Variants in TCIRG1 observed in about 807,000 individuals in gnomAD.
TCIRG1 encodes T cell immune regulator 1, ATPase H+ transporting V0 subunit a3.
In TCIRG1, 86 loss-of-function variants were observed where a neutral mutation model predicts 95.5. That is an observed-to-expected ratio of 0.90 (90% CI 0.76 to 1.08). The LOEUF (loss-of-function observed/expected upper bound fraction) is 1.08, where lower values mean the gene tolerates loss of function less well. Ranked by LOEUF, TCIRG1 falls within the 50% of genes least tolerant of loss-of-function variation. The pLI, the probability that TCIRG1 is intolerant of heterozygous loss-of-function variation, is 0.00. For missense variants in TCIRG1, 1,069 were observed against 1,140.2 expected (o/e 0.94, Z 0.90); for synonymous variants, 499 against 501.3 (o/e 1.00, Z 0.06).
Position 68,049,383 on chromosome 11 carries a change from C to T in TCIRG1, c.1887+89C>T, listed in dbSNP as rs957338070. ...CACTGGGAGCTGCAAGATCCTCGTC[C>T]GAGAAACGGGGATGCAGGCCCCGGG... On this transcript the variant is annotated intron_variant, in intron 15 of 19. Transcript: ENST00000265686. 59 of 1,377,928 alleles carry T rather than the reference C, an allele frequency of 4.3e-5. 1 individual carries two copies. The African/African-American group carries it at 4.6e-4, about 11-fold the overall frequency. 85.4% of individuals were successfully genotyped at this position (1,377,928 alleles called of 1,614,324 possible).
chr11:68,041,493 A>T, intron 2 of TCIRG1, 105 bp downstream of exon 2: 1 of 906,546 alleles, frequency 1.1e-6, no homozygotes, highest in Non-Finnish European at 1.7e-6. Flanking sequence ...CCCTGGCCCC[A>T]TTTGAACCCC....
In TCIRG1 at chr11:68,044,364, G is replaced by GC. The variant is rs2134442664; in HGVS notation, c.1020+25dup. On this transcript the variant is annotated intron_variant, in intron 9 of 19. Transcript: ENST00000265686. ...AGCTCGGTGAGCAGCCTGAGGCCTC[G>GC]CCCCCTCTCCGCCCGCCCCTCCTAC... 1.3e-6 allele frequency: 2 copies of GC among 1,533,696 alleles called. No homozygotes were observed. Among genetic ancestry groups the GC allele is most frequent in the South Asian group, 1.2e-5 (1 of 84,210 alleles).
At chr11:68,041,241 C>A in intron 1 of TCIRG1, 27 bp from the exon 2 acceptor site, 2 of 1,503,632 alleles carry the variant, frequency 1.3e-6, no homozygotes, top group Non-Finnish European at 1.9e-6. Context: ...CTGCCCCTGA[C>A]TGGCCCCCAT....
intron 1 of TCIRG1, chr11:68,039,935 T>G (rs1220476754): frequency 6.6e-6 from 1 of 152,336 alleles, no homozygotes; most frequent in Non-Finnish European, 1.5e-5. Context: ...CCTCCTTATT[T>G]GGCCAGCACA....
In TCIRG1 at chr11:68,043,473, G is replaced by A. The variant is rs1272170130; in HGVS notation, c.606G>A (p.Glu202=). 1.3e-6 allele frequency: 2 copies of A among 1,558,034 alleles called. No homozygotes were observed. Among genetic ancestry groups the A allele is most frequent in the African/African-American group, 1.4e-5 (1 of 73,552 alleles). Residue 202 remains glutamate (E), a synonymous_variant, in exon 6 of 20, where the codon GAG becomes GAA. Coordinates refer to ENST00000265686, the MANE Select transcript of TCIRG1 (RefSeq NM_006019.4). ...TCATTGCCAGCTTCAGGGAGCTGGA[G>A]CAGCCGCTGGAGCACCCCGTGACGG... ...GFLIASFREL[E]QPLEHPVTGE...
chr11:68,053,694 T>G (rs1218370986), downstream of TCIRG1: 2 of 349,248 alleles, frequency 5.7e-6, no homozygotes, highest in African/African-American at 2.1e-5. Flanking sequence ...ACTGGAAACC[T>G]TAGCCCCCAA....
intron 10 of TCIRG1, chr11:68,047,061 A>T (rs1590811531): frequency 2.6e-6 from 1 of 382,898 alleles, no homozygotes. Context: ...CGCAGGCTGG[A>T]GTGCAGTGGC....
chr11:68,043,703 C>T (rs1372741994), intron 7 of TCIRG1, 50 bp downstream of exon 7: 1 of 1,551,986 alleles, frequency 6.4e-7, no homozygotes, highest in Non-Finnish European at 8.8e-7. Flanking sequence ...CAGGCCCCTG[C>T]TGTCACCTCC....
At chr11:68,043,739 C>T in intron 7 of TCIRG1, 75 bp from the exon 8 acceptor site, 1 of 1,536,016 alleles carries the variant, frequency 6.5e-7, no homozygotes. Flanking sequence ...TGACTCCTCC[C>T]CATGAGCTCC....
chr11:68,045,288 C>G (rs1310155313), intron 10 of TCIRG1, among the ~76,000 whole-genome samples, 186 bp downstream of exon 10: 1 of 152,266 alleles, frequency 6.6e-6, no homozygotes, highest in African/African-American at 2.4e-5. Context: ...TATGTCGGCC[C>G]CCAGCCAACT....
rs375547910 is a variant in TCIRG1 at position 68,047,400 on chromosome 11, G to A, written c.1166-33G>A. ...CCGGGAGGCAGATGCTGGTGTGTTCGGGGGTTCCCAGCTCACCCACCTCTG... is the reference window on the plus strand; with the variant it reads ...CCGGGAGGCAGATGCTGGTGTGTTCAGGGGTTCCCAGCTCACCCACCTCTG... On this transcript the variant is annotated intron_variant, in intron 10 of 19. Transcript: ENST00000265686. The A allele has an allele frequency of 1.6e-4, 258 of 1,612,632 alleles. No individual in the cohort carries two copies. In the African/African-American group the frequency reaches 2.1e-3, roughly 13 times the overall value.
At chr11:68,040,816 G>A (rs570305743) in intron 1 of TCIRG1, among the ~76,000 whole-genome samples, 27 of 152,324 alleles carry the variant, frequency 1.8e-4, no homozygotes, top group Non-Finnish European at 3.7e-4. Context: ...GGAGATGCCC[G>A]CTCCTACCAC....
chr11:68,049,729 C>A lies in TCIRG1; in HGVS notation c.1954C>A (p.Pro652Thr). The A allele has an allele frequency of 1.3e-6, 2 of 1,587,796 alleles. No homozygotes were observed. The highest frequency in any genetic ancestry group is 2.3e-5 in the South Asian group (2 of 88,428). Residue 652 changes from proline to threonine, a missense_variant, in exon 16 of 20, where the codon CCC becomes ACC. Physicochemically the swap from Pro to Thr is conservative, Grantham distance 38 (BLOSUM62 -1). Transcript: ENST00000265686. ...GGTGCCCATCCTGCTGCTTGGCACA[C>A]CCCTGCACCTGCTGCACCGCCACCG... ...AMVPILLLGTPLHLLHRHRRR... is the reference protein window; with the variant it reads ...AMVPILLLGTTLHLLHRHRRR...
intron 3 of TCIRG1, 60 bp from the exon 4 acceptor site, chr11:68,042,583 G>T: frequency 7.3e-7 from 1 of 1,375,080 alleles, no homozygotes; most frequent in Non-Finnish European, 1.0e-6. Context: ...GGCAGCAGGT[G>T]GGGCCCTCAA....
rs1373414138 is a variant in TCIRG1 at position 68,050,385 on chromosome 11, C to T, written c.2237-102C>T. On this transcript the variant is annotated intron_variant, in intron 18 of 19. Transcript: ENST00000265686. ...AGTGGGACTGTCCAAGGAGGTCCCT[C>T]GCTGGCCCCCCGTGCAGGGAGGGCT... 9 of 1,607,148 alleles carry T rather than the reference C, an allele frequency of 5.6e-6. No individual in the cohort carries two copies. The East Asian group carries it at 6.7e-5, about 12-fold the overall frequency.
In TCIRG1 at chr11:68,049,715, T is replaced by C. The variant is rs1855696062; in HGVS notation, c.1940T>C (p.Leu647Pro). The C allele has an allele frequency of 1.3e-6, 2 of 1,593,590 alleles. No homozygotes were observed. The highest frequency in any genetic ancestry group is 1.3e-5 in the African/African-American group (1 of 74,714). Residue 647 changes from leucine (L) to proline (P), a missense_variant, in exon 16 of 20, where the codon CTG becomes CCG. Coordinates refer to ENST00000265686, the MANE Select transcript of TCIRG1 (RefSeq NM_006019.4). ...CTGGCCTTGGCCATGGTGCCCATCC[T>C]GCTGCTTGGCACACCCCTGCACCTG... ...VVLALAMVPI[L>P]LLGTPLHLLH...
chr11:68,041,095 C>G (rs1223695741), intron 1 of TCIRG1, among the ~76,000 whole-genome samples, 173 bp from the exon 2 acceptor site: 1 of 152,214 alleles, frequency 6.6e-6, no homozygotes, highest in African/African-American at 2.4e-5. Flanking sequence ...TGCTTACTTT[C>G]TGCGTGACCT....
chr11:68,039,439 G>A (rs560736984), intron 1 of TCIRG1, among the ~76,000 whole-genome samples: 256 of 152,300 alleles, frequency 1.7e-3, no homozygotes, highest in Non-Finnish European at 3.0e-3. Flanking sequence ...AAGTGTCAGA[G>A]CTGGAGACCA....
Position 68,043,848 on chromosome 11 carries a change from G to A in TCIRG1, c.748G>A (p.Glu250Lys). The A allele has an allele frequency of 6.4e-7, 1 of 1,559,870 alleles. No individual in the cohort carries two copies. The highest frequency in any genetic ancestry group is 8.7e-7 in the Non-Finnish European group (1 of 1,154,602). The change falls in exon 8 of 20, where the codon GAG becomes AAG. Residue 250 changes from glutamate to lysine, a missense_variant. Coordinates refer to ENST00000265686, the MANE Select transcript of TCIRG1 (RefSeq NM_006019.4). ...CCACGTCTTCCCGTTTCTGCAGCAG[G>A]AGGAGGCCCGCCTCGGGGCCCTGCA... ...HCHVFPFLQQ[E>K]EARLGALQQL...
Sources: allele counts gnomAD v4.1 joint callset (sites outside exome capture counted in the v4.1 genomes callset), GRCh38; gene constraint gnomAD v4.1.1; transcripts MANE v1.5; gene names NCBI Gene and HGNC (gene_info 2026-07-23, HGNC 2026-07-21).